The following COL12A1 variants were observed in gnomAD, a reference collection of about 807,000 sequenced individuals.
COL12A1 encodes collagen alpha-1(XII) chain.
In COL12A1, 114 loss-of-function variants were observed where a neutral mutation model predicts 349.7. The ratio of observed to expected loss-of-function variants is 0.33; its 90% CI spans 0.28 to 0.38. The LOEUF is 0.38. Among genes scored for constraint, COL12A1 ranks in the 10% least tolerant of loss-of-function variants. The pLI is 1.00. For synonymous variants in COL12A1, 1,369 were observed against 1,329.0 expected (o/e 1.03, Z -0.66); for missense variants, 3,284 against 3,756.9 (o/e 0.87, Z 3.29).
At chr6:75,165,814 A>G in intron 13 of COL12A1, 35 bp from the exon 14 acceptor site, 2 of 1,588,482 alleles carry the variant, frequency 1.3e-6, no homozygotes, top group Non-Finnish European at 1.7e-6. Context: ...CTTTTTTAAA[A>G]ATGTCTAGTA....
At chr6:75,168,520 C>T (rs1768436031) in intron 13 of COL12A1, among the ~76,000 whole-genome samples, 1 of 152,122 alleles carries the variant, frequency 6.6e-6, no homozygotes, top group African/African-American at 2.4e-5. Context: ...GCCTTGGGGC[C>T]CTCAGCAGCA....
chr6:75,117,777 AT>A, intron 46 of COL12A1: 2 of 429,728 alleles, frequency 4.7e-6, no homozygotes, highest in South Asian at 7.2e-5. Flanking sequence ...AATCCCAACA[AT>A]TCAAATAGGA....
In COL12A1 at chr6:75,107,906, T is replaced by G. The variant is rs1246830308; in HGVS notation, c.8100+1112A>C. ...AATCAAAATTCTATTACATTTGAAC[T>G]AATTGTTTCTATATTGTGGAATAAA... On this transcript the variant is annotated intron_variant, in intron 52 of 65. Coordinates refer to ENST00000322507, the MANE Select transcript of COL12A1 (RefSeq NM_004370.6). Among the ~76,000 whole-genome samples, 7 of 152,374 alleles carry G rather than the reference T, an allele frequency of 4.6e-5. No homozygotes were observed. The East Asian group carries it at 1.3e-3, about 29-fold the overall frequency.
rs369048097 is a variant in COL12A1, at chr6:75,149,348, G to T, written c.4148-851C>A. 8.4e-4 allele frequency among the ~76,000 whole-genome samples: 128 copies of T among 151,950 alleles called. 3 individuals carry two copies. The East Asian group carries it at 0.015, about 17-fold the overall frequency. On this transcript the variant is annotated intron_variant, in intron 21 of 65. Transcript: ENST00000322507. The stretch of plus-strand genomic sequence containing the variant: ...TCTTCTCTCCTTAACTAAAGGTTAT[G>T]CTCTGTGAGGACAGAATTGATTTTT...
intron 58 of COL12A1, among the ~76,000 whole-genome samples, chr6:75,101,285 ATTTGCTGAGATTCTTGAATCTC>A (rs1360803460): frequency 6.6e-6 from 1 of 152,220 alleles, no homozygotes; most frequent in African/African-American, 2.4e-5. Flanking sequence ...ATTTAAAACA[ATTTGCTGAGATTCTTGAATCTC>A]TTTTTAATCA....
intron 41 of COL12A1, 25 bp downstream of exon 41, chr6:75,124,230 A>AT (rs749176248): frequency 6.2e-7 from 1 of 1,603,842 alleles, no homozygotes; most frequent in Admixed American, 1.7e-5. Flanking sequence ...GCTCCAGATC[A>AT]TTTTTTTCTT....
At chr6:75,108,967 C>T in intron 52 of COL12A1, 51 bp downstream of exon 52, 1 of 1,546,246 alleles carries the variant, frequency 6.5e-7, no homozygotes, top group Non-Finnish European at 8.7e-7. Flanking sequence ...AGAAAAATGC[C>T]ATTTCAATCT....
At chr6:75,179,583 T>C (rs904294897) in intron 11 of COL12A1, among the ~76,000 whole-genome samples, 8 of 149,748 alleles carry the variant, frequency 5.3e-5, no homozygotes, top group African/African-American at 1.5e-4. Context: ...ATCTGAAAAA[T>C]GTTTCACAGA....
At position 75,103,439 on chromosome 6, in the gene COL12A1, C is replaced by G. The variant is rs185152257; in HGVS notation, c.8319+318G>C. On this transcript the variant is annotated intron_variant, in intron 55 of 65. Transcript: ENST00000322507. ...GTAGTGCTCCCAACAGGCTCCAGCT[C>G]TCTAGCGGGTCTCTGCTCCCTGTGG... 8.5e-5 allele frequency among the ~76,000 whole-genome samples: 13 copies of G among 152,306 alleles called. No individual in the cohort carries two copies. The East Asian group carries it at 1.9e-3, about 23-fold the overall frequency.
At position 75,124,380 on chromosome 6, in the gene COL12A1, TA is replaced by T; in HGVS notation, c.6608-10del. ...TGTTACATTTAAATATACTACAAAATAAAGAAAGAAAGAGATTTACTTTGTA... is the reference window on the plus strand; with the variant it reads ...TGTTACATTTAAATATACTACAAAATAAGAAAGAAAGAGATTTACTTTGTA... On this transcript the variant is annotated splice_polypyrimidine_tract_variant and intron_variant, in intron 40 of 65. Transcript: ENST00000322507. 1 of 1,563,436 alleles carries T rather than the reference TA, an allele frequency of 6.4e-7. No homozygotes were observed. Among genetic ancestry groups the T allele is most frequent in the Non-Finnish European group, 8.8e-7 (1 of 1,142,726 alleles).
At chr6:75,185,575 A>T (rs1306337519) in intron 8 of COL12A1, among the ~76,000 whole-genome samples, 1 of 152,224 alleles carries the variant, frequency 6.6e-6, no homozygotes, top group Admixed American at 6.5e-5. Context: ...CACTACTCCT[A>T]TTAAACTACC....
intron 51 of COL12A1, among the ~76,000 whole-genome samples, chr6:75,109,855 TC>T (rs1768747041): frequency 6.6e-6 from 1 of 152,098 alleles, no homozygotes. Context: ...TCCTGGGTAA[TC>T]CTTGTCTTTA....
At chr6:75,187,243 C>T (rs904801074) in intron 8 of COL12A1, among the ~76,000 whole-genome samples, 1 of 149,630 alleles carries the variant, frequency 6.7e-6, no homozygotes, top group Non-Finnish European at 1.5e-5. Context: ...GGAAATCTGG[C>T]CAAACCTGAG....
rs766439722 is a variant in COL12A1, at chr6:75,108,983, C to T, written c.8100+35G>A. The T allele has an allele frequency of 3.8e-6, 6 of 1,583,830 alleles. No individual in the cohort carries two copies. In the South Asian group the frequency reaches 7.1e-5, roughly 19 times the overall value. On this transcript the variant is annotated intron_variant, in intron 52 of 65. Transcript: ENST00000322507. ...GAAAAATGCCATTTCAATCTTAACA[C>T]AAGGTACCAAGAGAAATAAAAATGT...
chr6:75,095,006 C>T, intron 60 of COL12A1, 102 bp downstream of exon 60: 1 of 1,043,238 alleles, frequency 9.6e-7, no homozygotes, highest in South Asian at 1.6e-5. Context: ...GCTTCAAACA[C>T]ATTACAGCAG....
At chr6:75,196,877 C>T (rs997497685) in intron 2 of COL12A1, among the ~76,000 whole-genome samples, 6 of 152,166 alleles carry the variant, frequency 3.9e-5, no homozygotes, top group Non-Finnish European at 7.3e-5. Flanking sequence ...TAGCAGCCCC[C>T]CTTGTTGATA....
intron 8 of COL12A1, among the ~76,000 whole-genome samples, chr6:75,184,829 G>T (rs773380344): frequency 6.6e-6 from 1 of 152,144 alleles, no homozygotes; most frequent in Non-Finnish European, 1.5e-5. Flanking sequence ...GACAGTTAAC[G>T]TAAAGTATTT....
Position 75,132,031 on chromosome 6 carries a change from C to T in COL12A1, c.5846G>A (p.Ser1949Asn). 1 of 1,614,156 alleles carries T rather than the reference C, an allele frequency of 6.2e-7. No homozygotes were observed. The highest frequency in any genetic ancestry group is 8.5e-7 in the Non-Finnish European group (1 of 1,179,998). The change falls in exon 35 of 66, where the codon AGC (serine) becomes AAC (asparagine). Residue 1949 changes from serine to asparagine, a missense_variant. Around this residue, in one of 2 missense-constraint regions of COL12A1, gnomAD observed 2,601 missense variants for 2,824.8 expected, o/e 0.92. Transcript: ENST00000322507. ...AGCAGGGTCCCAGCGAACATCGAGGCTGTTAGGTGTAGGATTGTATACTTG... is the reference window on the plus strand; with the variant it reads ...AGCAGGGTCCCAGCGAACATCGAGGTTGTTAGGTGTAGGATTGTATACTTG... ...NVQVYNPTPNSLDVRWDPAPG... is the reference protein window; with the variant it reads ...NVQVYNPTPNNLDVRWDPAPG...
Position 75,147,731 on chromosome 6 carries a change from A to G in COL12A1, c.4361T>C (p.Val1454Ala), listed in dbSNP as rs1433406010. The G allele has an allele frequency of 6.2e-7, 1 of 1,613,504 alleles. No individual in the cohort carries two copies. The highest frequency in any genetic ancestry group is 1.1e-5 in the South Asian group (1 of 91,058). ...LKPETEYVVN[V>A]YSVVEDEYSE... ...ATATTCATCTTCTACCACAGAATACACATTGACAACATATTCAGTTTCAGG... is the reference window on the plus strand; with the variant it reads ...ATATTCATCTTCTACCACAGAATACGCATTGACAACATATTCAGTTTCAGG... The change falls in exon 23 of 66, where the codon GTG becomes GCG. Residue 1454 changes from valine (V) to alanine (A), a missense_variant. Physicochemically the swap from Val to Ala is moderately conservative, Grantham distance 64 (BLOSUM62 0). Around this residue, in one of 2 missense-constraint regions of COL12A1, gnomAD observed 2,601 missense variants for 2,824.8 expected, o/e 0.92. Coordinates refer to ENST00000322507, the MANE Select transcript of COL12A1 (RefSeq NM_004370.6).
Sources: allele counts gnomAD v4.1 joint callset (sites outside exome capture counted in the v4.1 genomes callset), GRCh38; gene constraint gnomAD v4.1.1; regional missense constraint gnomAD v4.1.1; transcripts MANE v1.5; gene names NCBI Gene and HGNC (gene_info 2026-07-23, HGNC 2026-07-21).